ADAMTS2: variants seen among roughly 807,000 people sequenced by gnomAD.
ADAMTS2 encodes the protein A disintegrin and metalloproteinase with thrombospondin motifs 2.
A neutral mutation model predicts 123.0 loss-of-function variants in ADAMTS2; 50 were observed. That is an observed-to-expected ratio of 0.41 (90% CI 0.32 to 0.51). The LOEUF is 0.51. ADAMTS2 is among the 20% of genes least tolerant of loss of function. ADAMTS2 has a pLI of 0.35. For missense variants in ADAMTS2, 1,494 were observed against 1,705.2 expected, an observed-to-expected ratio of 0.88 and a Z score of 2.18; for synonymous variants, 678 against 695.4, an observed-to-expected ratio of 0.98 and a Z score of 0.39.
chr5:179,140,137 A>C, intron 10 of ADAMTS2, 102 bp from the exon 11 acceptor site: 1 of 1,552,158 alleles, frequency 6.4e-7, no homozygotes, highest in Non-Finnish European at 8.8e-7. Context: ...TCCTGGCCCC[A>C]CTCTGGGGCA....
At position 179,189,639 on chromosome 5, in the gene ADAMTS2, G is replaced by GAGCC. The variant is rs1315213679; in HGVS notation, c.892-8488_892-8485dup. On this transcript the variant is annotated intron_variant, in intron 4 of 21. Transcript: ENST00000251582. This position sits in a 1 kb window ranked among gnomAD's most constrained non-coding sequence, Gnocchi z 4.2. Reference sequence around the variant, plus strand: ...CCCAAAGTGCTGGGATTACAGGCGTGAGCCACCGCGCCCGGCCAGGAGCAA... The same window carrying GAGCC: ...CCCAAAGTGCTGGGATTACAGGCGTGAGCCAGCCACCGCGCCCGGCCAGGAGCAA... 1.3e-5 allele frequency among the ~76,000 whole-genome samples: 2 copies of GAGCC among 150,322 alleles called. No homozygotes were observed. Among genetic ancestry groups the GAGCC allele is most frequent in the Non-Finnish European group, 2.9e-5 (2 of 67,800 alleles).
At position 179,117,116 on chromosome 5, in the gene ADAMTS2, T is replaced by A. The variant is rs1762670848; in HGVS notation, c.3179-2792A>T. Among the ~76,000 whole-genome samples, 1 of 152,092 alleles carries A rather than the reference T, an allele frequency of 6.6e-6. No homozygotes were observed. Among genetic ancestry groups the A allele is most frequent in the South Asian group, 2.1e-4 (1 of 4,818 alleles). On this transcript the variant is annotated intron_variant, in intron 21 of 21. Coordinates refer to ENST00000251582, the MANE Select transcript of ADAMTS2 (RefSeq NM_014244.5). This position sits in a 1 kb window ranked among gnomAD's most constrained non-coding sequence, Gnocchi z 4.2. ...GATGATAGTACTGTTTGAAGGTGGG[T>A]GGAGGAGACACAGAGCTCCCATCCC...
intron 21 of ADAMTS2, chr5:179,121,135 C>T (rs4701051): frequency 0.75 from 113,457 of 152,082 alleles, 43,023 homozygotes; most frequent in East Asian, 0.93. Flanking sequence ...GCCGCCTCCG[C>T]GACCGGACCC....
chr5:179,215,660 T>C (rs1764965464), intron 3 of ADAMTS2, among the ~76,000 whole-genome samples: 1 of 152,144 alleles, frequency 6.6e-6, no homozygotes, highest in Non-Finnish European at 1.5e-5. Flanking sequence ...AAGGGAACTG[T>C]GGGAGGCTGG....
chr5:179,149,700 A>G (rs572054599), intron 10 of ADAMTS2, among the ~76,000 whole-genome samples: 49 of 152,320 alleles, frequency 3.2e-4, no homozygotes, highest in African/African-American at 1.2e-3. Context: ...AGTGATGCAC[A>G]GGACAGGGAA....
intron 10 of ADAMTS2, among the ~76,000 whole-genome samples, chr5:179,140,982 T>A (rs199822845): frequency 8.8e-5 from 13 of 147,038 alleles, no homozygotes; most frequent in South Asian, 2.1e-4. Context: ...GCATTTTTTT[T>A]TTTTTTATTT....
chr5:179,297,718 G>C (rs918885274), intron 2 of ADAMTS2, among the ~76,000 whole-genome samples: 10 of 152,036 alleles, frequency 6.6e-5, no homozygotes, highest in African/African-American at 2.4e-4. Flanking sequence ...CCAGAGGACG[G>C]AGAGCTCTTG....
intron 2 of ADAMTS2, among the ~76,000 whole-genome samples, chr5:179,278,148 GCGAGACCAAAGGCTGACCCCCC>G (rs1766793893): frequency 6.2e-4 from 18 of 29,086 alleles, no homozygotes; most frequent in African/African-American, 1.9e-3. Flanking sequence ...CTGACCCCCC[GCGAGACCAAAGGCTGACCCCCC>G]CGAGACCAAA....
intron 2 of ADAMTS2, among the ~76,000 whole-genome samples, chr5:179,301,507 C>T (rs554666033): frequency 4.6e-5 from 7 of 152,322 alleles, no homozygotes; most frequent in Non-Finnish European, 8.8e-5. Flanking sequence ...GTGGTGGATC[C>T]GGATCTGCTC....
At chr5:179,218,475 G>A (rs745687579) in intron 3 of ADAMTS2, among the ~76,000 whole-genome samples, 2 of 152,232 alleles carry the variant, frequency 1.3e-5, no homozygotes, top group Non-Finnish European at 2.9e-5. Flanking sequence ...AGCCCCACGG[G>A]GGCCATCAGC....
rs567869263 is a variant in ADAMTS2 at position 179,242,282 on chromosome 5, G to A, written c.688+30629C>T. On this transcript the variant is annotated intron_variant, in intron 3 of 21. Coordinates refer to ENST00000251582, the MANE Select transcript of ADAMTS2 (RefSeq NM_014244.5). This position sits in a 1 kb window ranked among gnomAD's most constrained non-coding sequence, Gnocchi z 4.2. Reference sequence around the variant, plus strand: ...CAGCGGTGCCTGCTGTCTTGCTCGCGTGTGCCAGCAAATCTCCTTTTCTTG... The same window carrying A: ...CAGCGGTGCCTGCTGTCTTGCTCGCATGTGCCAGCAAATCTCCTTTTCTTG... Among the ~76,000 whole-genome samples, 19 of 152,258 alleles carry A rather than the reference G, an allele frequency of 1.2e-4. No homozygotes were observed. Among genetic ancestry groups the A allele is most frequent in the African/African-American group, 4.6e-4 (19 of 41,558 alleles).
rs111997864 is a variant in ADAMTS2 at position 179,199,616 on chromosome 5, G to A, written c.891+7897C>T. ...GAAGCTCTCAGACCCCAGTGGGTGT[G>A]CCCTTCCTGCTGGGGGTGCACTCAC... On this transcript the variant is annotated intron_variant, in intron 4 of 21. Transcript: ENST00000251582. Among the ~76,000 whole-genome samples the A allele has an allele frequency of 2.8e-3, 432 of 152,264 alleles. 6 individuals are homozygous for A. Among genetic ancestry groups the A allele is most frequent in the African/African-American group, 0.01 (421 of 41,570 alleles).
At chr5:179,200,460 G>T (rs1475488363) in intron 4 of ADAMTS2, among the ~76,000 whole-genome samples, 1 of 151,972 alleles carries the variant, frequency 6.6e-6, no homozygotes, top group Non-Finnish European at 1.5e-5. Flanking sequence ...TGTTGGCCAG[G>T]CTCGTCTCGA....
chr5:179,161,630 G>T (rs903103520), intron 5 of ADAMTS2, among the ~76,000 whole-genome samples: 1 of 152,140 alleles, frequency 6.6e-6, no homozygotes, highest in Admixed American at 6.6e-5. Context: ...GCCGGAAAGC[G>T]CCTGGAATCC....
rs201343773 is a variant in ADAMTS2 at position 179,114,136 on chromosome 5, G to A, written c.3367C>T (p.Leu1123Phe). ...HNDIDVFMPT[L>F]PVPTVAMEVR... ...TCCATGGCTACAGTGGGCACTGGGA[G>A]GGTAGGCATGAACACGTCAATGTCG... The change falls in exon 22 of 22, where the codon CTC (leucine) becomes TTC (phenylalanine). Residue 1123 changes from leucine to phenylalanine, a missense_variant. Around this residue, in one of 6 missense-constraint regions of ADAMTS2, gnomAD observed 953 missense variants for 1,124.7 expected, o/e 0.85. Transcript: ENST00000251582. 98 of 1,613,902 alleles carry A rather than the reference G, an allele frequency of 6.1e-5. 1 individual carries two copies. Among genetic ancestry groups the A allele is most frequent in the East Asian group, 2.2e-5 (1 of 44,892 alleles).
At chr5:179,329,116 A>G (rs531624301) in intron 2 of ADAMTS2, among the ~76,000 whole-genome samples, 1 of 152,186 alleles carries the variant, frequency 6.6e-6, no homozygotes, top group Non-Finnish European at 1.5e-5. Flanking sequence ...TCACGAGGTC[A>G]GGAGATGGAG....
chr5:179,135,282 G>A (rs1051976610), intron 13 of ADAMTS2, among the ~76,000 whole-genome samples: 8 of 152,150 alleles, frequency 5.3e-5, no homozygotes, highest in Non-Finnish European at 7.3e-5. Context: ...CAGCCTCCAC[G>A]ACTCCTGCCA....
At position 179,314,188 on chromosome 5, in the gene ADAMTS2, C is replaced by T. The variant is rs565374076; in HGVS notation, c.534+29579G>A. Among the ~76,000 whole-genome samples, 11 of 152,378 alleles carry T rather than the reference C, an allele frequency of 7.2e-5. No homozygotes were observed. In the South Asian group the frequency reaches 2.3e-3, roughly 32 times the overall value. ...CACACAGACCGGCCAGGGCCAGGGCCAGGACTGGCATTTCCCGGGCTCCTG... is the reference window on the plus strand; with the variant it reads ...CACACAGACCGGCCAGGGCCAGGGCTAGGACTGGCATTTCCCGGGCTCCTG... On this transcript the variant is annotated intron_variant, in intron 2 of 21. Transcript: ENST00000251582. The surrounding 1 kb of genome is among the most constrained non-coding windows in gnomAD (Gnocchi z 4.5).
At chr5:179,120,560 T>C (rs1284139365) in intron 21 of ADAMTS2, 1 of 150,032 alleles carries the variant, frequency 6.7e-6, no homozygotes, top group Non-Finnish European at 1.5e-5. Context: ...GGGTGCGGTG[T>C]GAACAGAGGC....
Sources: gnomAD v4.1 joint callset for allele counts (sites outside exome capture counted in the v4.1 genomes callset) on GRCh38, gnomAD v4.1.1 for gene constraint, gnomAD v4.1.1 regional missense constraint, Gnocchi (gnomAD v3.1) non-coding constraint, MANE v1.5 for transcripts, NCBI Gene and HGNC (gene_info 2026-07-23, HGNC 2026-07-21) for gene names.